Variants in DIAPH2 observed in about 807,000 individuals in gnomAD.
DIAPH2 encodes the protein protein diaphanous homolog 2.
Under a neutral mutation model 92.7 loss-of-function variants are expected in DIAPH2, and 35 were observed. That is an observed-to-expected ratio of 0.38 (90% CI 0.29 to 0.50). The LOEUF (loss-of-function observed/expected upper bound fraction) is 0.50. DIAPH2 is among the 20% of genes least tolerant of loss of function. The pLI is 0.94. For synonymous variants in DIAPH2, 301 were observed against 280.4 expected (o/e 1.07, Z -0.73); for missense variants, 701 against 819.5 (o/e 0.86, Z 1.77).
At chrX:97,384,793 G>T (rs2069583525) in intron 25 of DIAPH2, among the ~76,000 whole-genome samples, 1 of 110,240 alleles carries the variant, frequency 9.1e-6, no homozygotes, top group African/African-American at 3.3e-5. Flanking sequence ...TTGAAACTGG[G>T]GGGCGGAGGC....
intron 25 of DIAPH2, among the ~76,000 whole-genome samples, chrX:97,391,014 T>C (rs1429677447): frequency 1.8e-5 from 2 of 112,062 alleles, no homozygotes; most frequent in African/African-American, 6.5e-5. Context: ...GTTACAAATA[T>C]TATTATTATT....
At position 97,007,761 on chromosome X, in the gene DIAPH2, C is replaced by CT. The variant is rs1202951643; in HGVS notation, c.2050+42573dup. ...CCTTTTAAGGCTGTTTTCTTTTTTTCTTTTTTTTTTTTTTTTTTTGAGATG... is the reference window on the plus strand; with the variant it reads ...CCTTTTAAGGCTGTTTTCTTTTTTTCTTTTTTTTTTTTTTTTTTTTGAGATG... On this transcript the variant is annotated intron_variant, in intron 17 of 26. Coordinates refer to ENST00000324765, the MANE Select transcript of DIAPH2 (RefSeq NM_006729.5). 8.2e-3 allele frequency among the ~76,000 whole-genome samples: 662 copies of CT among 80,898 alleles called. 7 individuals are homozygous for CT. Among genetic ancestry groups the CT allele is most frequent in the Admixed American group, 0.017 (123 of 7,129 alleles). The allele number at this position is 80,898 out of a possible 115,157, so 70.3% of individuals were successfully genotyped here.
chrX:97,575,976 T>G (rs1183488220), intron 26 of DIAPH2, among the ~76,000 whole-genome samples: 1 of 111,614 alleles, frequency 9.0e-6, no homozygotes, highest in Admixed American at 9.5e-5. Flanking sequence ...GTGAGAAAGT[T>G]TATTGCCAGG....
intron 25 of DIAPH2, among the ~76,000 whole-genome samples, chrX:97,393,288 G>A (rs752050040): frequency 1.8e-5 from 2 of 111,649 alleles, no homozygotes; most frequent in Non-Finnish European, 3.8e-5. Flanking sequence ...GAAGTTGCAA[G>A]CAACAGATTG....
At chrX:96,769,039 T>C (rs6523058) in intron 4 of DIAPH2, among the ~76,000 whole-genome samples, 23,832 of 109,717 alleles carry the variant, frequency 0.22, 1,969 homozygotes, top group East Asian at 0.33. Context: ...GGAGATCAAG[T>C]TGGGGGTTGT....
chrX:96,892,779 A>C (rs2065316469), intron 5 of DIAPH2, among the ~76,000 whole-genome samples: 1 of 111,769 alleles, frequency 8.9e-6, no homozygotes, highest in Non-Finnish European at 1.9e-5. Flanking sequence ...TTTTATTACT[A>C]TGTAAGCTCC....
At chrX:96,999,545 T>C (rs898804288) in intron 17 of DIAPH2, among the ~76,000 whole-genome samples, 1 of 109,155 alleles carries the variant, frequency 9.2e-6, no homozygotes, top group African/African-American at 3.3e-5. Flanking sequence ...ATATAGCTCT[T>C]CTGATGACTT....
chrX:96,751,652 G>GTTTTTTTTTTTTTTTTTTTTTTTTTT (rs1219167141), intron 3 of DIAPH2, among the ~76,000 whole-genome samples: 3 of 60,312 alleles, frequency 5.0e-5, no homozygotes, highest in African/African-American at 1.3e-4. Context: ...TCAGTGTTTT[G>GTTTTTTTTTTTTTTTTTTTTTTTTTT]TTTTTTTTTT....
At chrX:97,582,947 T>TA (rs2147880862) in intron 26 of DIAPH2, among the ~76,000 whole-genome samples, 1 of 111,960 alleles carries the variant, frequency 8.9e-6, no homozygotes, top group Non-Finnish European at 1.9e-5. Context: ...CTGATACCCT[T>TA]TCTTCCAGTT....
chrX:97,166,817 C>T (rs942968985), intron 22 of DIAPH2, among the ~76,000 whole-genome samples: 7 of 111,810 alleles, frequency 6.3e-5, no homozygotes, highest in African/African-American at 1.3e-4. Flanking sequence ...CTGCTCCAAA[C>T]GGAACTACTA....
intron 23 of DIAPH2, among the ~76,000 whole-genome samples, chrX:97,257,964 A>C (rs1278007418): frequency 1.7e-4 from 8 of 46,658 alleles, no homozygotes; most frequent in African/African-American, 2.7e-4. Flanking sequence ...GTTTAAAAAA[A>C]AAAAAAAAAA....
At chrX:97,510,677 A>C (rs1368307182) in intron 26 of DIAPH2, among the ~76,000 whole-genome samples, 1 of 99,372 alleles carries the variant, frequency 1.0e-5, no homozygotes, top group Non-Finnish European at 2.1e-5. Flanking sequence ...ATCTTGAATT[A>C]ATTTTTGTTT....
intron 25 of DIAPH2, among the ~76,000 whole-genome samples, chrX:97,421,860 A>T (rs1430033748): frequency 9.0e-6 from 1 of 110,945 alleles, no homozygotes; most frequent in Admixed American, 9.7e-5. Flanking sequence ...CTTTGCTCTG[A>T]TATTACCTAT....
chrX:96,695,675 A>G (rs1373464815), intron 1 of DIAPH2, among the ~76,000 whole-genome samples: 1 of 111,770 alleles, frequency 8.9e-6, no homozygotes, highest in Non-Finnish European at 1.9e-5. Context: ...ACAAATCCCT[A>G]CTTTCAACCT....
chrX:97,357,341 G>A (rs2069277036), intron 24 of DIAPH2, among the ~76,000 whole-genome samples: 1 of 111,413 alleles, frequency 9.0e-6, no homozygotes, highest in African/African-American at 3.3e-5. Context: ...TGTTTTGTTT[G>A]TCCATTTGCT....
chrX:97,398,519 C>T (rs1411150686), intron 25 of DIAPH2, among the ~76,000 whole-genome samples: 1 of 110,540 alleles, frequency 9.0e-6, no homozygotes, highest in African/African-American at 3.3e-5. Context: ...TACCTCCCTC[C>T]TCAAGGGTGG....
chrX:97,375,979 A>G (rs1159888502), intron 24 of DIAPH2, among the ~76,000 whole-genome samples: 4 of 111,360 alleles, frequency 3.6e-5, no homozygotes, highest in Non-Finnish European at 3.8e-5. Context: ...CCCTCATTCT[A>G]AGACAAATGT....
chrX:97,247,352 G>A (rs1281835051), intron 22 of DIAPH2, among the ~76,000 whole-genome samples: 1 of 111,634 alleles, frequency 9.0e-6, no homozygotes, highest in East Asian at 2.8e-4. Flanking sequence ...CTACTAACGT[G>A]CATTAATAAC....
At chrX:96,803,913 C>T (rs1435259934) in intron 4 of DIAPH2, among the ~76,000 whole-genome samples, 1 of 111,359 alleles carries the variant, frequency 9.0e-6, no homozygotes, top group Non-Finnish European at 1.9e-5. Flanking sequence ...GTGGCACGCG[C>T]CTGTAATCCC....
Sources: allele counts gnomAD v4.1 joint callset (sites outside exome capture counted in the v4.1 genomes callset), GRCh38; gene constraint gnomAD v4.1.1; transcripts MANE v1.5; gene names NCBI Gene and HGNC (gene_info 2026-07-23, HGNC 2026-07-21).